BBX: variants seen among roughly 807,000 people sequenced by gnomAD.
BBX encodes HMG box transcription factor BBX.
A neutral mutation model predicts 100.2 loss-of-function variants in BBX; 30 were observed. That is an observed-to-expected ratio of 0.30 (90% CI 0.22 to 0.41). The LOEUF (loss-of-function observed/expected upper bound fraction) is 0.41. Ranked by LOEUF, BBX falls within the 10% of genes least tolerant of loss-of-function variation. BBX has a pLI of 1.00. For synonymous variants in BBX, 376 were observed against 388.1 expected, an observed-to-expected ratio of 0.97 and a Z score of 0.37; for missense variants, 1,023 against 1,129.8, an observed-to-expected ratio of 0.91 and a Z score of 1.35.
At chr3:107,689,639 C>T (rs2060037744) in intron 3 of BBX, among the ~76,000 whole-genome samples, 1 of 152,170 alleles carries the variant, frequency 6.6e-6, no homozygotes, top group African/African-American at 2.4e-5. Flanking sequence ...GATTCCCTCC[C>T]TCCTCAGTGT....
chr3:107,533,577 A>T (rs912654936), intron 2 of BBX, among the ~76,000 whole-genome samples: 2 of 152,202 alleles, frequency 1.3e-5, no homozygotes, highest in African/African-American at 2.4e-5. Flanking sequence ...AGGAAAGCTT[A>T]AACTCAGGCA....
At chr3:107,617,147 A>G (rs1236791967) in intron 2 of BBX, among the ~76,000 whole-genome samples, 1 of 152,136 alleles carries the variant, frequency 6.6e-6, no homozygotes, top group Non-Finnish European at 1.5e-5. Flanking sequence ...TGAAAAGGCT[A>G]TCCTTCCTCC....
chr3:107,614,823 G>A (rs2055131563), intron 2 of BBX, among the ~76,000 whole-genome samples: 1 of 152,154 alleles, frequency 6.6e-6, no homozygotes, highest in Non-Finnish European at 1.5e-5. Flanking sequence ...GATTGGTCTG[G>A]GAGTGGTAGG....
chr3:107,673,437 A>AT (rs1469306761), intron 3 of BBX, among the ~76,000 whole-genome samples: 1 of 152,008 alleles, frequency 6.6e-6, no homozygotes, highest in African/African-American at 2.4e-5. Flanking sequence ...TTTAATCTAC[A>AT]TTTTTTTAAA....
intron 1 of BBX, chr3:107,523,626 G>A (rs2047525815): frequency 6.6e-6 from 1 of 152,466 alleles, no homozygotes; most frequent in Non-Finnish European, 1.5e-5. Flanking sequence ...GCCGCCCGGG[G>A]AGCCCCAAAC....
At chr3:107,549,095 A>G (rs1053844967) in intron 2 of BBX, among the ~76,000 whole-genome samples, 3 of 152,218 alleles carry the variant, frequency 2.0e-5, no homozygotes, top group Non-Finnish European at 4.4e-5. Context: ...GCATCATGCA[A>G]TATACCCATG....
At chr3:107,715,362 A>C (rs951341735) in intron 4 of BBX, among the ~76,000 whole-genome samples, 4 of 152,158 alleles carry the variant, frequency 2.6e-5, no homozygotes, top group African/African-American at 9.7e-5. Flanking sequence ...ATGCATACTC[A>C]AGTTTAAGAA....
chr3:107,675,557 A>G (rs1290731752), intron 3 of BBX, among the ~76,000 whole-genome samples: 5 of 152,156 alleles, frequency 3.3e-5, no homozygotes, highest in African/African-American at 1.2e-4. Context: ...GGAGGAGCTC[A>G]GTTTTAATAC....
intron 7 of BBX, among the ~76,000 whole-genome samples, chr3:107,733,507 C>A (rs576876098): frequency 5.3e-5 from 8 of 152,202 alleles, no homozygotes; most frequent in Admixed American, 5.2e-4. Context: ...TCCCACCCCC[C>A]CTTGAGACAG....
intron 2 of BBX, among the ~76,000 whole-genome samples, chr3:107,565,700 C>A (rs956256913): frequency 6.6e-6 from 1 of 151,466 alleles, no homozygotes; most frequent in South Asian, 2.1e-4. Flanking sequence ...GAACTCCTGC[C>A]CTCGTGATCC....
intron 2 of BBX, among the ~76,000 whole-genome samples, chr3:107,638,780 T>TACACACACACACACAC (rs61081300): frequency 1.4e-4 from 14 of 99,882 alleles, no homozygotes; most frequent in South Asian, 3.7e-4. Flanking sequence ...AAAAAAAGTA[T>TACACACACACACACAC]ACACACACAC....
chr3:107,798,594 A>G lies in BBX; in HGVS notation c.2425A>G (p.Thr809Ala), dbSNP rs138980027. The change falls in exon 16 of 18, where the codon ACT (threonine) becomes GCT (alanine). Residue 809 changes from threonine to alanine, a missense_variant. Physicochemically the swap from Thr to Ala is moderately conservative, Grantham distance 58 (BLOSUM62 0). Transcript: ENST00000325805. ...TAAAAATATCCCATCCATTTTCAAC[A>G]CTCCAGAGCCAACAACAACGCAAGA... is the stretch of plus-strand genomic sequence containing the variant. ...KVKNIPSIFN[T>A]PEPTTTQEPL... 88 of 1,614,016 alleles carry G rather than the reference A, an allele frequency of 5.5e-5. No homozygotes were observed. Among genetic ancestry groups the G allele is most frequent in the Non-Finnish European group, 6.4e-5 (75 of 1,180,012 alleles).
intron 2 of BBX, among the ~76,000 whole-genome samples, chr3:107,595,894 G>A (rs972687722): frequency 6.6e-6 from 1 of 152,122 alleles, no homozygotes; most frequent in African/African-American, 2.4e-5. Context: ...TTGACTGGAA[G>A]CCTTACCAGC....
chr3:107,675,277 C>G (rs1400306100), intron 3 of BBX, among the ~76,000 whole-genome samples: 5 of 152,082 alleles, frequency 3.3e-5, no homozygotes, highest in Admixed American at 6.6e-5. Flanking sequence ...CTTTTCTTCT[C>G]AGATACTGAG....
intron 15 of BBX, among the ~76,000 whole-genome samples, chr3:107,797,645 G>T (rs1165862503): frequency 2.6e-5 from 4 of 151,924 alleles, no homozygotes; most frequent in African/African-American, 9.7e-5. Flanking sequence ...TACACATCTT[G>T]TCTTACTTTT....
intron 3 of BBX, among the ~76,000 whole-genome samples, chr3:107,669,194 A>G (rs1222849921): frequency 6.6e-6 from 1 of 152,202 alleles, no homozygotes; most frequent in Non-Finnish European, 1.5e-5. Flanking sequence ...TGAGATAATA[A>G]TAGAATAGTG....
intron 2 of BBX, among the ~76,000 whole-genome samples, chr3:107,562,086 C>T (rs979907714): frequency 6.6e-6 from 1 of 152,182 alleles, no homozygotes; most frequent in Admixed American, 6.5e-5. Flanking sequence ...TTCCTATTCA[C>T]ATTTCCATGC....
intron 2 of BBX, among the ~76,000 whole-genome samples, chr3:107,564,423 C>G (rs867636242): frequency 6.6e-6 from 1 of 152,062 alleles, no homozygotes; most frequent in South Asian, 2.1e-4. Context: ...CAATTTTTCC[C>G]TTTTTATGTC....
Position 107,773,539 on chromosome 3 carries a change from T to C in BBX, c.1818T>C (p.Cys606=), listed in dbSNP as rs2067077322. The change falls in exon 11 of 18, where the codon TGT becomes TGC. Residue 606 remains cysteine (C), a synonymous_variant. Coordinates refer to ENST00000325805, the MANE Select transcript of BBX (RefSeq NM_001142568.3). The surrounding 1 kb of genome is among the most constrained non-coding windows in gnomAD (Gnocchi z 4.1). ...DSDCHRKIET[C]GSRKSERSCK... is the part of the protein sequence containing the mutation. ...ACTGTCACAGAAAAATAGAAACTTG[T>C]GGTTCCAGGAAATCCGAGAGGTCTT... 6.2e-7 allele frequency: 1 copy of C among 1,613,940 alleles called. No individual in the cohort carries two copies. Among genetic ancestry groups the C allele is most frequent in the African/African-American group, 1.3e-5 (1 of 74,920 alleles).
Sources: allele counts gnomAD v4.1 joint callset (sites outside exome capture counted in the v4.1 genomes callset), GRCh38; gene constraint gnomAD v4.1.1; non-coding constraint Gnocchi (gnomAD v3.1); transcripts MANE v1.5; gene names NCBI Gene and HGNC (gene_info 2026-07-23, HGNC 2026-07-21).